The following PYGL variants were observed in gnomAD, a reference collection of about 807,000 sequenced individuals.
PYGL encodes glycogen phosphorylase L, also known as glycogen phosphorylase, liver form.
A neutral mutation model predicts 100.1 loss-of-function variants in PYGL; 90 were observed. The observed-to-expected ratio is 0.90, with a 90% CI of 0.76 to 1.07. The LOEUF is 1.07. Ranked by LOEUF, PYGL falls within the 50% of genes least tolerant of loss-of-function variation. The pLI is 0.00. For synonymous variants in PYGL, 373 were observed against 393.0 expected, an observed-to-expected ratio of 0.95 and a Z score of 0.60; for missense variants, 1,016 against 1,057.6, an observed-to-expected ratio of 0.96 and a Z score of 0.55.
rs776545903 is a variant in PYGL, at chr14:50,920,955, C to T, written c.772+1G>A. The T allele has an allele frequency of 1.5e-5, 24 of 1,609,050 alleles. No individual in the cohort carries two copies. The highest frequency in any genetic ancestry group is 2.2e-5 in the East Asian group (1 of 44,874). ...GAAACCAAGGCCTGTGCTGTACTCA[C>T]AGTCTCTGAGGTTAAAGTCATTTGG... is the stretch of plus-strand genomic sequence containing the variant. On this transcript the variant is annotated splice_donor_variant, in intron 6 of 19. Coordinates refer to ENST00000216392, the MANE Select transcript of PYGL (RefSeq NM_002863.5). LOFTEE classifies it high-confidence loss of function.
chr14:50,931,612 T>A (rs779205548), intron 4 of PYGL, 61 bp downstream of exon 4: 7 of 1,429,384 alleles, frequency 4.9e-6, no homozygotes, highest in South Asian at 1.1e-5. Context: ...TTATAAATCA[T>A]CCAGAGCACC....
chr14:50,926,019 C>T (rs528859994), intron 4 of PYGL, among the ~76,000 whole-genome samples: 2 of 152,104 alleles, frequency 1.3e-5, no homozygotes. Flanking sequence ...CCAAGAGCTA[C>T]AAGGCAATGC....
chr14:50,926,305 C>T (rs2050546984), intron 4 of PYGL, among the ~76,000 whole-genome samples: 1 of 151,894 alleles, frequency 6.6e-6, no homozygotes, highest in Non-Finnish European at 1.5e-5. Flanking sequence ...GAGCTGTGAT[C>T]ATGCCACTGT....
chr14:50,916,622 A>G lies in PYGL; in HGVS notation c.1092+20T>C, dbSNP rs750183694. 1 of 1,592,694 alleles carries G rather than the reference A, an allele frequency of 6.3e-7. No individual in the cohort carries two copies. The highest frequency in any genetic ancestry group is 1.1e-5 in the South Asian group (1 of 90,576). ...GCCATTCTGGTTAATTAAAGGAAAA[A>G]GAAGCCAAACTATCCAGACCTTGGA... On this transcript the variant is annotated intron_variant, in intron 9 of 19. Coordinates refer to ENST00000216392, the MANE Select transcript of PYGL (RefSeq NM_002863.5).
chr14:50,936,590 C>T (rs1185593065), intron 2 of PYGL, among the ~76,000 whole-genome samples: 3 of 152,160 alleles, frequency 2.0e-5, no homozygotes, highest in Admixed American at 6.5e-5. Context: ...GGGTGGATCA[C>T]CTGAGGTCAG....
intron 3 of PYGL, among the ~76,000 whole-genome samples, chr14:50,934,685 T>G (rs996029595): frequency 6.6e-6 from 1 of 151,666 alleles, no homozygotes. Context: ...GTGTGTGTGT[T>G]TGTGTGTACA....
At chr14:50,920,807 A>C (rs1323366584) in intron 6 of PYGL, 149 bp downstream of exon 6, 1 of 989,288 alleles carries the variant, frequency 1.0e-6, no homozygotes, top group African/African-American at 1.6e-5. Flanking sequence ...TGCCCTCCCT[A>C]CTTCCTCCAT....
At chr14:50,923,889 A>G in intron 5 of PYGL, 80 bp downstream of exon 5, 1 of 1,497,504 alleles carries the variant, frequency 6.7e-7, no homozygotes, top group Non-Finnish European at 9.3e-7. Context: ...CAATATCACC[A>G]CTATATGCTA....
intron 1 of PYGL, 72 bp downstream of exon 1, chr14:50,944,089 C>A: frequency 6.6e-7 from 1 of 1,513,780 alleles, no homozygotes; most frequent in Non-Finnish European, 8.9e-7. Flanking sequence ...TTCTCCACCT[C>A]GTCCCGCCCG....
At position 50,914,563 on chromosome 14, in the gene PYGL, T is replaced by TGG. The variant is rs2050428124; in HGVS notation, c.1518+136_1518+137dup. 18 of 686,062 alleles carry TGG rather than the reference T, an allele frequency of 2.6e-5. 1 individual carries two copies. The South Asian group carries it at 2.7e-4, about 10-fold the overall frequency. The allele number at this position is 686,062 out of a possible 1,614,324, so 42.5% of individuals were successfully genotyped here. On this transcript the variant is annotated intron_variant, in intron 12 of 19. Transcript: ENST00000216392. ...CTACAGCAGAGAATTAAACCCAGCATGGAGTCCTGTGTGACTGCACAAACC... is the reference window on the plus strand; with the variant it reads ...CTACAGCAGAGAATTAAACCCAGCATGGGGAGTCCTGTGTGACTGCACAAACC...
At chr14:50,911,942 G>C (rs769749562) in intron 15 of PYGL, 36 bp downstream of exon 15, 7 of 1,612,916 alleles carry the variant, frequency 4.3e-6, no homozygotes, top group Non-Finnish European at 5.1e-6. Context: ...CAAGAGATTA[G>C]AGCCCTCAAG....
At chr14:50,941,528 G>A (rs545380374) in intron 1 of PYGL, among the ~76,000 whole-genome samples, 6 of 152,244 alleles carry the variant, frequency 3.9e-5, no homozygotes, top group South Asian at 4.2e-4. Context: ...ACAGTTGAAC[G>A]GCAAAAAGTG....
chr14:50,917,476 C>G (rs1198741001), intron 7 of PYGL, among the ~76,000 whole-genome samples: 1 of 152,168 alleles, frequency 6.6e-6, no homozygotes, highest in Non-Finnish European at 1.5e-5. Flanking sequence ...TGGAGCTCCC[C>G]AAGGCTCAGG....
chr14:50,937,601 T>G (rs2050664876), intron 2 of PYGL, 135 bp downstream of exon 2: 2 of 805,884 alleles, frequency 2.5e-6, no homozygotes, highest in Non-Finnish European at 4.2e-6. Flanking sequence ...TTTCTAAAAG[T>G]TTGTAATAGC....
At chr14:50,916,786 C>T in intron 8 of PYGL, 52 bp from the exon 9 acceptor site, 1 of 1,573,160 alleles carries the variant, frequency 6.4e-7, no homozygotes, top group Non-Finnish European at 8.7e-7. Context: ...CAGGGTCTGG[C>T]TTCTTTGTCC....
rs772395656 is a variant in PYGL, at chr14:50,944,208, C to T, written c.196G>A (p.Gly66Arg). 3 of 1,612,042 alleles carry T rather than the reference C, an allele frequency of 1.9e-6. No individual in the cohort carries two copies. Among genetic ancestry groups the T allele is most frequent in the Non-Finnish European group, 2.5e-6 (3 of 1,179,808 alleles). Residue 66 changes from glycine to arginine, a missense_variant, in exon 1 of 20, where the codon GGG (glycine) becomes AGG (arginine). Physicochemically the swap from Gly to Arg is moderately radical, Grantham distance 125. Coordinates refer to ENST00000216392, the MANE Select transcript of PYGL (RefSeq NM_002863.5). ...TGCTGCTGCGTGCGGATCCAGCGCC[C>T]CACCAGGTGGTCGCGCACCGTGTGC... ...LAHTVRDHLVGRWIRTQQHYY... is the reference protein window; with the variant it reads ...LAHTVRDHLVRRWIRTQQHYY...
chr14:50,916,489 T>C (rs2050450495), intron 9 of PYGL, 153 bp downstream of exon 9: 5 of 728,834 alleles, frequency 6.9e-6, no homozygotes, highest in Admixed American at 4.5e-5. Context: ...ACTCTAAGGA[T>C]GGAAAATGTC....
chr14:50,922,374 A>T (rs539217405), intron 5 of PYGL, among the ~76,000 whole-genome samples: 1 of 152,328 alleles, frequency 6.6e-6, no homozygotes, highest in South Asian at 2.1e-4. Context: ...TTTCGTGATC[A>T]CCGCGACCTC....
At chr14:50,920,361 T>C (rs2050488730) in intron 7 of PYGL, among the ~76,000 whole-genome samples, 180 bp downstream of exon 7, 1 of 152,230 alleles carries the variant, frequency 6.6e-6, no homozygotes, top group South Asian at 2.1e-4. Flanking sequence ...TCATGCACTA[T>C]ACAGATTTGT....
Sources: gnomAD v4.1 joint callset for allele counts (sites outside exome capture counted in the v4.1 genomes callset) on GRCh38, gnomAD v4.1.1 for gene constraint, MANE v1.5 for transcripts, NCBI Gene and HGNC (gene_info 2026-07-23, HGNC 2026-07-21) for gene names.